The following SLC44A5 variants were observed in gnomAD, a reference collection of about 807,000 sequenced individuals.
SLC44A5 encodes choline transporter-like protein 5.
A neutral mutation model predicts 101.8 loss-of-function variants in SLC44A5; 57 were observed. The observed-to-expected ratio is 0.56, with a 90% CI of 0.45 to 0.70. SLC44A5 has a LOEUF of 0.70. SLC44A5 is among the 30% of genes least tolerant of loss of function. The pLI, the probability that SLC44A5 is intolerant of heterozygous loss-of-function variation, is 0.00. For missense variants in SLC44A5, 737 were observed against 853.1 expected, an observed-to-expected ratio of 0.86 and a Z score of 1.70; for synonymous variants, 281 against 290.9, an observed-to-expected ratio of 0.97 and a Z score of 0.35.
intron 1 of SLC44A5, among the ~76,000 whole-genome samples, chr1:75,541,952 T>G (rs930689926): frequency 2.0e-5 from 3 of 152,140 alleles, no homozygotes; most frequent in African/African-American, 7.2e-5. Context: ...GTTCAGCATT[T>G]TGTTTCTGTT....
chr1:75,347,626 G>A (rs1658341695), intron 3 of SLC44A5, among the ~76,000 whole-genome samples: 1 of 152,016 alleles, frequency 6.6e-6, no homozygotes, highest in Non-Finnish European at 1.5e-5. Flanking sequence ...TTGAGAGAGA[G>A]AGAAAGAGAC....
At chr1:75,664,643 G>T in the SLC44A5 span, among the ~76,000 whole-genome samples, 1 of 151,998 alleles carries the variant, frequency 6.6e-6, no homozygotes, top group Non-Finnish European at 1.5e-5. Flanking sequence ...TACAAAACAC[G>T]ATTAGAAGAA....
chr1:75,233,360 C>T (rs554462680), intron 12 of SLC44A5, among the ~76,000 whole-genome samples: 8 of 152,212 alleles, frequency 5.3e-5, no homozygotes, highest in African/African-American at 1.7e-4. Context: ...GTCGTCAACC[C>T]TTCCACGTTC....
chr1:75,327,415 T>C (rs1656684180), intron 4 of SLC44A5, among the ~76,000 whole-genome samples: 1 of 152,184 alleles, frequency 6.6e-6, no homozygotes, highest in Non-Finnish European at 1.5e-5. Context: ...TTTTATCATG[T>C]TTAGACTTAA....
intron 2 of SLC44A5, among the ~76,000 whole-genome samples, chr1:75,416,602 T>C (rs992337916): frequency 3.8e-4 from 58 of 152,260 alleles, no homozygotes; most frequent in African/African-American, 1.4e-3. Context: ...ACCAACAGCT[T>C]GCACTGTGTG....
intron 2 of SLC44A5, among the ~76,000 whole-genome samples, chr1:75,430,436 G>T (rs1046524409): frequency 6.6e-6 from 1 of 152,114 alleles, no homozygotes; most frequent in South Asian, 2.1e-4. Context: ...TTATAGAAGC[G>T]CAAATGGACT....
the SLC44A5 span, among the ~76,000 whole-genome samples, chr1:75,697,850 G>T: frequency 6.6e-6 from 1 of 152,206 alleles, no homozygotes; most frequent in Non-Finnish European, 1.5e-5. Context: ...GAAGCGCAAG[G>T]GGTCACGGAG....
At chr1:75,398,387 G>A (rs923391889) in intron 2 of SLC44A5, 12 of 985,194 alleles carry the variant, frequency 1.2e-5, no homozygotes, top group East Asian at 1.1e-4. Context: ...AATCAGTGCC[G>A]GGTATAGCAG....
At chr1:75,265,376 C>T (rs948243370) in intron 6 of SLC44A5, among the ~76,000 whole-genome samples, 15 of 152,082 alleles carry the variant, frequency 9.9e-5, no homozygotes, top group African/African-American at 3.4e-4. Context: ...AGAATACTAG[C>T]AAACTGAAAG....
In SLC44A5 at chr1:75,339,603, A is replaced by C; in HGVS notation, c.80T>G (p.Phe27Cys). The C allele has an allele frequency of 6.2e-7, 1 of 1,609,910 alleles. No homozygotes were observed. The highest frequency in any genetic ancestry group is 8.5e-7 in the Non-Finnish European group (1 of 1,177,858). The stretch of plus-strand genomic sequence containing the variant: ...TTACCTGTTGGCAACAGGCCCCTTG[A>C]AATCTGGGTCATATGTCCTTGGATC... ...FGDPRTYDPD[F>C]KGPVANRSCT... The change falls in exon 4 of 24, where the codon TTC (phenylalanine) becomes TGC (cysteine). Residue 27 changes from phenylalanine (F) to cysteine (C), a missense_variant. Transcript: ENST00000370859.
chr1:75,501,420 A>C (rs919323214), intron 2 of SLC44A5, among the ~76,000 whole-genome samples: 6 of 152,210 alleles, frequency 3.9e-5, no homozygotes, highest in Admixed American at 2.6e-4. Flanking sequence ...AGAGATTGTT[A>C]CTACATTCCC....
intron 2 of SLC44A5, among the ~76,000 whole-genome samples, chr1:75,492,592 A>G (rs1274048582): frequency 6.6e-6 from 1 of 152,232 alleles, no homozygotes; most frequent in African/African-American, 2.4e-5. Context: ...TAAATTCTAT[A>G]AAATACAACA....
chr1:75,388,415 A>C (rs1490338481), intron 3 of SLC44A5, among the ~76,000 whole-genome samples: 1 of 150,042 alleles, frequency 6.7e-6, no homozygotes, highest in Non-Finnish European at 1.5e-5. Context: ...TTGAGACTAC[A>C]AAGTATCCAG....
At chr1:75,649,515 A>T in the SLC44A5 span, among the ~76,000 whole-genome samples, 1 of 152,034 alleles carries the variant, frequency 6.6e-6, no homozygotes, top group African/African-American at 2.4e-5. Flanking sequence ...CTTGGGAAAA[A>T]TTTAAGAACC....
chr1:75,469,683 T>C (rs1003300523), intron 2 of SLC44A5, among the ~76,000 whole-genome samples: 1 of 151,316 alleles, frequency 6.6e-6, no homozygotes, highest in Non-Finnish European at 1.5e-5. Flanking sequence ...TTCTGGGAGG[T>C]GAGGCAGAAG....
In SLC44A5 at chr1:75,271,497, T is replaced by TTGTGTGTGTGTG. The variant is rs4035634; in HGVS notation, c.260+3449_260+3460dup. On this transcript the variant is annotated intron_variant, in intron 6 of 23. Coordinates refer to ENST00000370859, the MANE Select transcript of SLC44A5 (RefSeq NM_001130058.2). ...AGTCCATTATATCACTCTGCATGTT[T>TTGTGTGTGTGTG]TGTGTGTGTGTGTGTGTGTGTGTGT... 2.7e-3 allele frequency among the ~76,000 whole-genome samples: 401 copies of TTGTGTGTGTGTG among 146,382 alleles called. 3 individuals carry two copies. The highest frequency in any genetic ancestry group is 7.8e-3 in the African/African-American group (308 of 39,354).
intron 2 of SLC44A5, among the ~76,000 whole-genome samples, chr1:75,489,680 T>A (rs2101806174): frequency 6.6e-6 from 1 of 152,276 alleles, no homozygotes; most frequent in South Asian, 2.1e-4. Flanking sequence ...TGGAGTACAT[T>A]GGCAAGTCAA....
chr1:75,444,370 GAGGAAAGAAGGA>G (rs1665389615), intron 2 of SLC44A5, among the ~76,000 whole-genome samples: 1 of 124,440 alleles, frequency 8.0e-6, no homozygotes, highest in South Asian at 3.0e-4. Flanking sequence ...GGGAGGGAGG[GAGGAAAGAAGGA>G]AGGGAAGAAG....
intron 1 of SLC44A5, among the ~76,000 whole-genome samples, chr1:75,556,626 G>A (rs1672231076): frequency 6.6e-6 from 1 of 152,088 alleles, no homozygotes; most frequent in Admixed American, 6.6e-5. Flanking sequence ...AGTTAGAAGT[G>A]TGTTCACCTG....
Sources: allele counts gnomAD v4.1 joint callset (sites outside exome capture counted in the v4.1 genomes callset), GRCh38; gene constraint gnomAD v4.1.1; transcripts MANE v1.5; gene names NCBI Gene and HGNC (gene_info 2026-07-23, HGNC 2026-07-21).